Variants in SHQ1 observed in about 807,000 individuals in gnomAD.
SHQ1 encodes SHQ1, H/ACA ribonucleoprotein assembly factor.
Under a neutral mutation model 53.8 loss-of-function variants are expected in SHQ1, and 49 were observed. The ratio of observed to expected loss-of-function variants is 0.91; its 90% CI spans 0.72 to 1.16. SHQ1 has a LOEUF of 1.16. Among genes scored for constraint, SHQ1 ranks in the 50% most tolerant of loss-of-function variants. The pLI is 0.00. For missense variants in SHQ1, 738 were observed against 683.1 expected (o/e 1.08, Z -0.90); for synonymous variants, 243 against 251.0 (o/e 0.97, Z 0.30).
At chr3:72,728,988 C>T in the SHQ1 span, among the ~76,000 whole-genome samples, 4 of 152,226 alleles carry the variant, frequency 2.6e-5, no homozygotes, top group East Asian at 5.8e-4. Flanking sequence ...GGAAGCCAGC[C>T]GACCAGGTGA....
intron 4 of SHQ1, among the ~76,000 whole-genome samples, chr3:72,838,617 A>G (rs1224170948): frequency 6.6e-6 from 1 of 152,154 alleles, no homozygotes; most frequent in Admixed American, 6.5e-5. Flanking sequence ...TTCTCCTGCC[A>G]GCCTCCAAAA....
chr3:72,738,292 G>A, the SHQ1 span, among the ~76,000 whole-genome samples: 1,291 of 152,184 alleles, frequency 8.5e-3, 24 homozygotes, highest in African/African-American at 0.03. Flanking sequence ...TGAAAACGAG[G>A]CAAGGTAGAA....
At chr3:72,828,336 T>C (rs1381816573) in intron 5 of SHQ1, among the ~76,000 whole-genome samples, 2 of 152,156 alleles carry the variant, frequency 1.3e-5, no homozygotes, top group Non-Finnish European at 1.5e-5. Context: ...GCAACCACTA[T>C]TCAGGCAATG....
chr3:72,789,860 T>C (rs1362672462), intron 10 of SHQ1, among the ~76,000 whole-genome samples: 2 of 152,230 alleles, frequency 1.3e-5, no homozygotes, highest in South Asian at 2.1e-4. Context: ...CCTTTTCCTA[T>C]AGGAAAATCT....
At chr3:72,734,349 C>G in the SHQ1 span, among the ~76,000 whole-genome samples, 1 of 151,056 alleles carries the variant, frequency 6.6e-6, no homozygotes, top group East Asian at 1.9e-4. Flanking sequence ...CTCTGTCTCC[C>G]AGGTTCGGTG....
chr3:72,772,697 C>A, intron 10 of SHQ1: 1 of 728,350 alleles, frequency 1.4e-6, no homozygotes, highest in South Asian at 1.4e-5. Flanking sequence ...CTTGATGGTG[C>A]ACCTCTGGAA....
At chr3:72,759,669 CAACAGAGG>C (rs754302914) in intron 10 of SHQ1, among the ~76,000 whole-genome samples, 149 of 152,232 alleles carry the variant, frequency 9.8e-4, no homozygotes, top group Non-Finnish European at 1.7e-3. Context: ...CCAGCCTCAG[CAACAGAGG>C]GAGACTCTTG....
intron 10 of SHQ1, among the ~76,000 whole-genome samples, chr3:72,763,060 C>T (rs200412556): frequency 2.2e-3 from 170 of 77,524 alleles, no homozygotes; most frequent in African/African-American, 7.4e-3. Context: ...CACACACACA[C>T]ACAGAGAGAG....
chr3:72,774,627 T>C (rs933892377), intron 10 of SHQ1, among the ~76,000 whole-genome samples: 1 of 152,210 alleles, frequency 6.6e-6, no homozygotes, highest in Non-Finnish European at 1.5e-5. Flanking sequence ...GAAAATTCAG[T>C]ACATTTCCAA....
intron 7 of SHQ1, 76 bp downstream of exon 7, chr3:72,817,153 AC>A: frequency 6.8e-7 from 1 of 1,477,114 alleles, no homozygotes; most frequent in Non-Finnish European, 9.1e-7. Context: ...TCTACTCTAG[AC>A]AAGAAAGACT....
intron 10 of SHQ1, among the ~76,000 whole-genome samples, chr3:72,783,630 T>C (rs921052794): frequency 1.3e-5 from 2 of 152,198 alleles, no homozygotes; most frequent in Admixed American, 1.3e-4. Flanking sequence ...TTTCTCTATT[T>C]TTATCAATGT....
intron 7 of SHQ1, among the ~76,000 whole-genome samples, chr3:72,816,307 G>A (rs1247229774): frequency 1.3e-5 from 2 of 152,130 alleles, no homozygotes; most frequent in Non-Finnish European, 2.9e-5. Context: ...ATTGGAAATA[G>A]ATACATCACC....
intron 9 of SHQ1, among the ~76,000 whole-genome samples, chr3:72,804,728 C>T (rs566319653): frequency 1.3e-5 from 2 of 152,264 alleles, no homozygotes; most frequent in South Asian, 2.1e-4. Flanking sequence ...TGGTGGCTCA[C>T]ACCTGTCAAC....
At chr3:72,743,666 A>G in the SHQ1 span, among the ~76,000 whole-genome samples, 1 of 152,334 alleles carries the variant, frequency 6.6e-6, no homozygotes, top group East Asian at 1.9e-4. Flanking sequence ...GATGCCATTT[A>G]TTCATTTGAG....
At chr3:72,757,690 G>A (rs974134597) in intron 10 of SHQ1, among the ~76,000 whole-genome samples, 1 of 152,188 alleles carries the variant, frequency 6.6e-6, no homozygotes, top group African/African-American at 2.4e-5. Flanking sequence ...GGATGGAGCT[G>A]GAGGCCATTT....
intron 6 of SHQ1, among the ~76,000 whole-genome samples, chr3:72,822,726 CTA>C (rs1707514626): frequency 1.3e-5 from 2 of 152,186 alleles, no homozygotes; most frequent in African/African-American, 4.8e-5. Context: ...AATTAACTAT[CTA>C]TATTCTGTTA....
intron 3 of SHQ1, 88 bp from the exon 4 acceptor site, chr3:72,841,287 G>C: frequency 1.0e-6 from 1 of 993,064 alleles, no homozygotes; most frequent in South Asian, 1.9e-5. Context: ...TGCCCACAAA[G>C]ATGTACCAAA....
At chr3:72,743,906 T>C in the SHQ1 span, among the ~76,000 whole-genome samples, 6 of 152,142 alleles carry the variant, frequency 3.9e-5, no homozygotes, top group African/African-American at 1.2e-4. Flanking sequence ...CAATGAAGGG[T>C]GACCTCCTGG....
chr3:72,802,246 G>A (rs940855351), intron 9 of SHQ1, among the ~76,000 whole-genome samples: 93 of 152,302 alleles, frequency 6.1e-4, no homozygotes, highest in African/African-American at 2.0e-3. Context: ...CCTCGGTGCC[G>A]TGGCTAGCAC....
Sources: gnomAD v4.1 joint callset for allele counts (sites outside exome capture counted in the v4.1 genomes callset) on GRCh38, gnomAD v4.1.1 for gene constraint, MANE v1.5 for transcripts, NCBI Gene and HGNC (gene_info 2026-07-23, HGNC 2026-07-21) for gene names.